The following PTK2 variants were observed in gnomAD, a reference collection of about 807,000 sequenced individuals.
The protein encoded by PTK2 is protein tyrosine kinase 2.
In PTK2, 45 loss-of-function variants were observed where a neutral mutation model predicts 150.1. The observed-to-expected ratio is 0.30, with a 90% CI of 0.24 to 0.38. The LOEUF (loss-of-function observed/expected upper bound fraction) is 0.38, where lower values mean the gene tolerates loss of function less well. Among genes scored for constraint, PTK2 ranks in the 10% least tolerant of loss-of-function variants. The pLI is 1.00. For missense variants in PTK2, 919 were observed against 1,307.3 expected (o/e 0.70, Z 4.58); for synonymous variants, 432 against 449.2 (o/e 0.96, Z 0.48).
intron 14 of PTK2, among the ~76,000 whole-genome samples, chr8:140,770,147 G>A (rs764660163): frequency 4.6e-5 from 7 of 152,214 alleles, no homozygotes; most frequent in African/African-American, 1.2e-4. Flanking sequence ...TGCTGACAAC[G>A]AAGGTTCCCA....
At chr8:140,715,173 T>TG (rs2100038969) in intron 23 of PTK2, among the ~76,000 whole-genome samples, 1 of 128,320 alleles carries the variant, frequency 7.8e-6, no homozygotes, top group Admixed American at 8.1e-5. Flanking sequence ...TTTTTTTTTT[T>TG]TTTTTTTTTT....
intron 1 of PTK2, chr8:140,948,629 A>T (rs1403554526): frequency 6.6e-6 from 1 of 152,238 alleles, no homozygotes; most frequent in Non-Finnish European, 1.5e-5. Context: ...CAGGTCATTT[A>T]AAACAGAGAA....
At chr8:140,804,924 C>T (rs556715563) in intron 10 of PTK2, among the ~76,000 whole-genome samples, 13 of 152,292 alleles carry the variant, frequency 8.5e-5, no homozygotes, top group African/African-American at 3.1e-4. Context: ...TCTGGGACAT[C>T]CTGCCCTTTT....
At chr8:140,969,544 T>A (rs1407546430) in intron 1 of PTK2, among the ~76,000 whole-genome samples, 10 of 152,208 alleles carry the variant, frequency 6.6e-5, no homozygotes, top group Admixed American at 6.5e-4. Flanking sequence ...AGGTAATTAT[T>A]CCTGCTTCCC....
At position 140,716,650 on chromosome 8, in the gene PTK2, T is replaced by TA. The variant is rs921943960; in HGVS notation, c.2142+947dup. 6.6e-5 allele frequency among the ~76,000 whole-genome samples: 10 copies of TA among 152,188 alleles called. No individual in the cohort carries two copies. The East Asian group carries it at 7.7e-4, about 12-fold the overall frequency. On this transcript the variant is annotated intron_variant, in intron 23 of 31. Coordinates refer to ENST00000522684, the Ensembl canonical transcript of PTK2. ...AAGTAAAAGTTTTCAGCCTTCAAGA[T>TA]AAAAAAATTGGTATATTTAAATAGT...
intron 1 of PTK2, among the ~76,000 whole-genome samples, chr8:140,955,323 T>C (rs2100180865): frequency 6.6e-6 from 1 of 151,964 alleles, no homozygotes; most frequent in Admixed American, 6.6e-5. Context: ...GATCTGAGGG[T>C]TTTATATAGG....
intron 11 of PTK2, 116 bp from the exon 12 acceptor site, chr8:140,800,692 G>T: frequency 2.7e-6 from 2 of 729,578 alleles, no homozygotes; most frequent in Admixed American, 2.0e-5. Flanking sequence ...GAGTGGGAAT[G>T]AAACAAGATT....
chr8:140,743,326 T>C (rs149781812), exon 20 of PTK2: 2 of 1,611,684 alleles, frequency 1.2e-6, no homozygotes, highest in East Asian at 2.2e-5. Flanking sequence ...CGAGCAGCAA[T>C]GTCCCTGATA....
intron 2 of PTK2, among the ~76,000 whole-genome samples, chr8:140,914,184 G>C (rs143121849): frequency 1.3e-5 from 2 of 152,028 alleles, no homozygotes; most frequent in African/African-American, 4.8e-5. Context: ...ACGAATCAAT[G>C]ACATTATAAA....
intron 23 of PTK2, among the ~76,000 whole-genome samples, chr8:140,709,686 A>G (rs1346404517): frequency 6.6e-6 from 1 of 152,232 alleles, no homozygotes; most frequent in Non-Finnish European, 1.5e-5. Flanking sequence ...TATGAGTCCA[A>G]AAGTGTCAAC....
In PTK2 at chr8:140,912,261, C is replaced by CA. The variant is rs1555373907; in HGVS notation, c.-33+13399dup. On this transcript the variant is annotated intron_variant, in intron 2 of 31. Transcript: ENST00000522684. Reference sequence around the variant, plus strand: ...CTGTCTCTATAAAAGAAAAAAAAAACAAAAAAACAAAAAAATCAGGATAAT... The same window carrying CA: ...CTGTCTCTATAAAAGAAAAAAAAAACAAAAAAAACAAAAAAATCAGGATAAT... Among the ~76,000 whole-genome samples the CA allele has an allele frequency of 2.7e-5, 4 of 149,000 alleles. No individual in the cohort carries two copies. The South Asian group carries it at 6.4e-4, about 24-fold the overall frequency.
chr8:140,781,962 C>A (rs1261025540), intron 14 of PTK2, among the ~76,000 whole-genome samples: 2 of 152,070 alleles, frequency 1.3e-5, no homozygotes, highest in African/African-American at 4.8e-5. Context: ...CACAGCTGGG[C>A]TATTTTGATT....
At chr8:140,816,535 A>G (rs529345991) in intron 10 of PTK2, among the ~76,000 whole-genome samples, 45 of 152,298 alleles carry the variant, frequency 3.0e-4, no homozygotes, top group Admixed American at 5.2e-4. Flanking sequence ...AGATTTGGGG[A>G]AAAAAATCAT....
chr8:140,930,211 T>C (rs180919126), intron 1 of PTK2, among the ~76,000 whole-genome samples: 1 of 152,324 alleles, frequency 6.6e-6, no homozygotes, highest in East Asian at 1.9e-4. Flanking sequence ...AACACCAAAA[T>C]GAATGACTAT....
chr8:140,926,395 T>C (rs1243008324), intron 1 of PTK2, among the ~76,000 whole-genome samples: 1 of 152,086 alleles, frequency 6.6e-6, no homozygotes, highest in Admixed American at 6.6e-5. Context: ...TACCTCCAGA[T>C]GCTACAAAGG....
intron 10 of PTK2, among the ~76,000 whole-genome samples, chr8:140,808,149 A>G (rs977991156): frequency 6.6e-6 from 1 of 152,256 alleles, no homozygotes; most frequent in African/African-American, 2.4e-5. Flanking sequence ...GAGAAACTAT[A>G]CATTTTTCTA....
chr8:140,673,883 A>T (rs2100012068), intron 29 of PTK2, among the ~76,000 whole-genome samples: 1 of 152,186 alleles, frequency 6.6e-6, no homozygotes, highest in Admixed American at 6.5e-5. Flanking sequence ...ATGGAAAATA[A>T]ATAAGTCTTC....
intron 23 of PTK2, among the ~76,000 whole-genome samples, chr8:140,710,095 C>T (rs959212496): frequency 6.6e-6 from 1 of 152,100 alleles, no homozygotes; most frequent in Non-Finnish European, 1.5e-5. Flanking sequence ...AGGCAGATTG[C>T]TTTGAGCTCA....
chr8:140,963,144 TA>T (rs2100183983), intron 1 of PTK2, among the ~76,000 whole-genome samples: 1 of 152,082 alleles, frequency 6.6e-6, no homozygotes, highest in Non-Finnish European at 1.5e-5. Context: ...ACAGCCTATA[TA>T]TGTTCTTCCT....
Sources: allele counts gnomAD v4.1 joint callset (sites outside exome capture counted in the v4.1 genomes callset), GRCh38; gene constraint gnomAD v4.1.1; transcripts MANE v1.5; gene names NCBI Gene and HGNC (gene_info 2026-07-23, HGNC 2026-07-21).